CHST5: variants seen among roughly 807,000 people sequenced by gnomAD.
CHST5 encodes the protein GST4-alpha.
For missense variants in CHST5, 637 were observed against 602.1 expected (o/e 1.06, Z -0.61); for synonymous variants, 313 against 279.2 (o/e 1.12, Z -1.21).
rs2080501528 is a variant in CHST5, at chr16:75,530,003, C to T, written c.382G>A (p.Val128Met). 1.9e-6 allele frequency: 3 copies of T among 1,613,366 alleles called. No individual in the cohort carries two copies. The highest frequency in any genetic ancestry group is 2.5e-6 in the Non-Finnish European group (3 of 1,179,966). Reference sequence around the variant, plus strand: ...CTCTGTGGCATGTAGGCATCAAACACGTCCATGTCGCACAAAAAGATAGAG... The same window carrying T: ...CTCTGTGGCATGTAGGCATCAAACATGTCCATGTCGCACAAAAAGATAGAG... ...MRSIFLCDMD[V>M]FDAYMPQSRN... is the part of the protein sequence containing the mutation. Residue 128 changes from valine (V) to methionine (M), a missense_variant, in exon 4 of 4, where the codon GTG (valine) becomes ATG (methionine). Physicochemically the swap from Val to Met is conservative, Grantham distance 21. Coordinates refer to ENST00000336257, the MANE Select transcript of CHST5 (RefSeq NM_024533.5).
chr16:75,534,406 G>A (rs1217592213), intron 2 of CHST5, among the ~76,000 whole-genome samples: 3 of 152,128 alleles, frequency 2.0e-5, no homozygotes, highest in Non-Finnish European at 4.4e-5. Context: ...CAGCACTTTG[G>A]GAGCCTCAGC....
At chr16:75,532,207 C>T (rs1373642835) in intron 3 of CHST5, among the ~76,000 whole-genome samples, 2 of 152,170 alleles carry the variant, frequency 1.3e-5, no homozygotes, top group African/African-American at 4.8e-5. Context: ...ACCCACAGGC[C>T]ACCTACCCTT....
At chr16:75,532,234 C>G (rs750927963) in intron 3 of CHST5, among the ~76,000 whole-genome samples, 10 of 152,160 alleles carry the variant, frequency 6.6e-5, no homozygotes, top group Non-Finnish European at 1.5e-4. Context: ...CCTGTATCTC[C>G]CAGGCCATCC....
At position 75,530,409 on chromosome 16, in the gene CHST5, G is replaced by A. The variant is rs1329083940; in HGVS notation, c.-25C>T. 29 of 1,496,014 alleles carry A rather than the reference G, an allele frequency of 1.9e-5. No homozygotes were observed. Among genetic ancestry groups the A allele is most frequent in the Non-Finnish European group, 2.0e-5 (22 of 1,118,938 alleles). 92.7% of individuals were successfully genotyped at this position (1,496,014 alleles called of 1,614,324 possible). The stretch of plus-strand genomic sequence containing the variant: ...TCCCATGCCCCAATTACTGCCCAGT[G>A]CCCTCAGGGATCAGCCCTCAGATTC... On this transcript the variant is annotated 5_prime_UTR_variant, in exon 4 of 4. Transcript: ENST00000336257.
intron 2 of CHST5, among the ~76,000 whole-genome samples, chr16:75,533,576 A>G (rs1291949898): frequency 6.6e-6 from 1 of 152,136 alleles, no homozygotes; most frequent in African/African-American, 2.4e-5. Context: ...TAATTTTTAG[A>G]AAAATAATAC....
At position 75,528,608 on chromosome 16, in the gene CHST5, C is replaced by G. The variant is rs558348579; in HGVS notation, c.*541G>C. Reference sequence around the variant, plus strand: ...TGCCACCCAAGCTAGGGTGCAGTGGCATGATCTCAGCTTACTGCAACCTCC... The same window carrying G: ...TGCCACCCAAGCTAGGGTGCAGTGGGATGATCTCAGCTTACTGCAACCTCC... On this transcript the variant is annotated 3_prime_UTR_variant, in exon 4 of 4. Transcript: ENST00000336257. The G allele has an allele frequency of 6.5e-6, 1 of 152,752 alleles. No individual in the cohort carries two copies. The highest frequency in any genetic ancestry group is 2.4e-5 in the African/African-American group (1 of 41,562). 9.5% of individuals were successfully genotyped at this position (152,752 alleles called of 1,614,324 possible).
At chr16:75,535,103 G>C (rs964257717) in intron 2 of CHST5, 24 bp downstream of exon 2, 13 of 152,466 alleles carry the variant, frequency 8.5e-5, no homozygotes, top group African/African-American at 2.9e-4. Flanking sequence ...GACACCTCCG[G>C]TGGAGAATGA....
rs1239977855 is a variant in CHST5, at chr16:75,529,585, A to T, written c.800T>A (p.Val267Glu). ...ADPHLRLIRE[V>E]CRSHVRIAEA... ...GGCGATGCGCACGTGGCTGCGGCAC[A>T]CCTCGCGAATCAGGCGCAGGTGAGG... Residue 267 changes from valine to glutamate, a missense_variant, in exon 4 of 4, where the codon GTG becomes GAG. Val to Glu is a moderately radical substitution (Grantham distance 121). Coordinates refer to ENST00000336257, the MANE Select transcript of CHST5 (RefSeq NM_024533.5). The T allele has an allele frequency of 6.2e-7, 1 of 1,609,790 alleles. No individual in the cohort carries two copies. The highest frequency in any genetic ancestry group is 2.2e-5 in the East Asian group (1 of 44,816).
chr16:75,529,904 G>A lies in CHST5; in HGVS notation c.481C>T (p.Pro161Ser), dbSNP rs753930902. The change falls in exon 4 of 4, where the codon CCC becomes TCC. Residue 161 changes from proline (P) to serine (S), a missense_variant. Pro to Ser is a moderately conservative substitution (Grantham distance 74). Transcript: ENST00000336257. ...LCSPPACSAF[P>S]RGTISKQDVC... ...TCCTGCTTGCTGATGGTGCCTCGGG[G>A]AAAGGCGCTGCAGGCGGGCGGCGAG... is the stretch of plus-strand genomic sequence containing the variant. The A allele has an allele frequency of 6.8e-6, 11 of 1,613,370 alleles. No individual in the cohort carries two copies. The highest frequency in any genetic ancestry group is 1.3e-5 in the African/African-American group (1 of 74,926).
At position 75,530,164 on chromosome 16, in the gene CHST5, C is replaced by A. The variant is rs1396987418; in HGVS notation, c.221G>T (p.Gly74Val). 3 of 1,613,476 alleles carry A rather than the reference C, an allele frequency of 1.9e-6. No homozygotes were observed. The highest frequency in any genetic ancestry group is 2.2e-5 in the East Asian group (1 of 44,894). The change falls in exon 4 of 4, where the codon GGC becomes GTC. Residue 74 changes from glycine to valine, a missense_variant. By Grantham distance (109) the Gly-to-Val change is moderately radical. Coordinates refer to ENST00000336257, the MANE Select transcript of CHST5 (RefSeq NM_024533.5). ...HVLVLSSWRSGSSFLGQLFSQ... is the reference protein window; with the variant it reads ...HVLVLSSWRSVSSFLGQLFSQ... Reference sequence around the variant, plus strand: ...GAAGAGCTGGCCCAAGAAGGATGAGCCCGAGCGCCACGAGGACAGCACCAG... The same window carrying A: ...GAAGAGCTGGCCCAAGAAGGATGAGACCGAGCGCCACGAGGACAGCACCAG...
chr16:75,534,769 C>T (rs1057418353), intron 2 of CHST5, among the ~76,000 whole-genome samples: 1 of 152,252 alleles, frequency 6.6e-6, no homozygotes, highest in African/African-American at 2.4e-5. Flanking sequence ...CTCCACTTCC[C>T]CTGAGTCTGG....
Position 75,531,194 on chromosome 16 carries a change from C to A in CHST5, c.-810G>T. 1 of 518,944 alleles carries A rather than the reference C, an allele frequency of 1.9e-6. No individual in the cohort carries two copies. The highest frequency in any genetic ancestry group is 2.5e-6 in the Non-Finnish European group (1 of 397,340). The allele number at this position is 518,944 out of a possible 1,614,324, so 32.1% of individuals were successfully genotyped here. On this transcript the variant is annotated 5_prime_UTR_variant, in exon 4 of 4. Coordinates refer to ENST00000336257, the MANE Select transcript of CHST5 (RefSeq NM_024533.5). ...AAAATTAGCCAGGCGTGATGGTGGG[C>A]GCCTGTAGTCCCAGCTACTCGGGAG...
chr16:75,532,928 C>A (rs1368497074), intron 3 of CHST5, among the ~76,000 whole-genome samples, 161 bp downstream of exon 3: 2 of 152,252 alleles, frequency 1.3e-5, no homozygotes, highest in African/African-American at 4.8e-5. Flanking sequence ...TGTTCCGAAG[C>A]TCCTGGCACT....
intron 2 of CHST5, among the ~76,000 whole-genome samples, chr16:75,534,521 G>C (rs1330783088): frequency 2.6e-5 from 4 of 151,958 alleles, no homozygotes; most frequent in African/African-American, 9.7e-5. Context: ...GCGGGCGTCT[G>C]TAATCCCACC....
chr16:75,530,371 G>A lies in CHST5; in HGVS notation c.14C>T (p.Ala5Val), dbSNP rs2151690926. MGMRARVPKVAHSTR... is the reference protein window; with the variant it reads MGMRVRVPKVAHSTR... The stretch of plus-strand genomic sequence containing the variant: ...GGAGTGGGCAACTTTAGGGACCCGG[G>A]CCCTCATGCCCATCCCATGCCCCAA... The change falls in exon 4 of 4, where the codon GCC becomes GTC. Residue 5 changes from alanine (A) to valine (V), a missense_variant. Transcript: ENST00000336257. 1.3e-6 allele frequency: 2 copies of A among 1,542,854 alleles called. No homozygotes were observed. Among genetic ancestry groups the A allele is most frequent in the Non-Finnish European group, 1.7e-6 (2 of 1,142,994 alleles).
chr16:75,530,402 G>T lies in CHST5; in HGVS notation c.-18C>A, dbSNP rs762487964. Reference sequence around the variant, plus strand: ...ATGCCCATCCCATGCCCCAATTACTGCCCAGTGCCCTCAGGGATCAGCCCT... The same window carrying T: ...ATGCCCATCCCATGCCCCAATTACTTCCCAGTGCCCTCAGGGATCAGCCCT... On this transcript the variant is annotated 5_prime_UTR_variant, in exon 4 of 4. Transcript: ENST00000336257. The T allele has an allele frequency of 2.0e-6, 3 of 1,500,964 alleles. No homozygotes were observed. The highest frequency in any genetic ancestry group is 2.7e-6 in the Non-Finnish European group (3 of 1,121,310). The allele number at this position is 1,500,964 out of a possible 1,614,324, so 93.0% of individuals were successfully genotyped here. A position where few individuals can be genotyped will look rare whatever the true frequency, so the allele number is the denominator to read the frequency against.
At position 75,530,551 on chromosome 16, in the gene CHST5, G is replaced by C. The variant is rs2080510457; in HGVS notation, c.-167C>G. ...AGTCTGTGCTCACAGCAGAAGTCCA[G>C]TTGCAGAATAATGTGGGATATCATC... On this transcript the variant is annotated 5_prime_UTR_variant, in exon 4 of 4. Transcript: ENST00000336257. 7.0e-7 allele frequency: 1 copy of C among 1,435,278 alleles called. No homozygotes were observed. 88.9% of individuals were successfully genotyped at this position (1,435,278 alleles called of 1,614,324 possible). A position where few individuals can be genotyped will look rare whatever the true frequency, so the allele number is the denominator to read the frequency against.
intron 3 of CHST5, among the ~76,000 whole-genome samples, chr16:75,532,887 G>C (rs1417013346): frequency 6.6e-6 from 1 of 152,234 alleles, no homozygotes; most frequent in East Asian, 1.9e-4. Flanking sequence ...GGCTTAGAGA[G>C]ACAGCAAGAA....
At chr16:75,532,360 C>T (rs940908520) in intron 3 of CHST5, among the ~76,000 whole-genome samples, 1 of 152,202 alleles carries the variant, frequency 6.6e-6, no homozygotes, top group Non-Finnish European at 1.5e-5. Context: ...AAGTGTTCTT[C>T]TGTTTGCACC....
Sources: allele counts gnomAD v4.1 joint callset (sites outside exome capture counted in the v4.1 genomes callset), GRCh38; gene constraint gnomAD v4.1.1; transcripts MANE v1.5; gene names NCBI Gene and HGNC (gene_info 2026-07-23, HGNC 2026-07-21).